SPATA16: variants seen among roughly 807,000 people sequenced by gnomAD.
SPATA16 encodes spermatogenesis-associated protein 16.
In SPATA16, 36 loss-of-function variants were observed where a neutral mutation model predicts 63.3. That is an observed-to-expected ratio of 0.57 (90% confidence interval 0.44 to 0.75). The LOEUF is 0.75. Ranked by LOEUF, SPATA16 falls within the 30% of genes least tolerant of loss-of-function variation. SPATA16 has a pLI of 0.00. For synonymous variants in SPATA16, 203 were observed against 216.7 expected, an observed-to-expected ratio of 0.94 and a Z score of 0.56; for missense variants, 646 against 679.3, an observed-to-expected ratio of 0.95 and a Z score of 0.54.
intron 4 of SPATA16, among the ~76,000 whole-genome samples, chr3:173,017,435 G>GT (rs1172558270): frequency 6.6e-6 from 1 of 152,138 alleles, no homozygotes; most frequent in Non-Finnish European, 1.5e-5. Context: ...CTTGTTGTTT[G>GT]TTTTGGGACC....
At position 172,924,376 on chromosome 3, in the gene SPATA16, T is replaced by C. The variant is rs192224215; in HGVS notation, c.1229-59A>G. On this transcript the variant is annotated intron_variant, in intron 7 of 10. Transcript: ENST00000351008. ...TTCTCCAGACTTCCATTTCAAAATA[T>C]TTTCTTTAGCAAGCTATAAACGAAT... is the stretch of plus-strand genomic sequence containing the variant. 6.2e-5 allele frequency: 85 copies of C among 1,374,502 alleles called. No individual in the cohort carries two copies. The East Asian group carries it at 1.5e-3, about 24-fold the overall frequency. 85.1% of individuals were successfully genotyped at this position (1,374,502 alleles called of 1,614,324 possible).
intron 10 of SPATA16, among the ~76,000 whole-genome samples, chr3:172,911,911 C>T (rs557309954): frequency 6.6e-6 from 1 of 152,282 alleles, no homozygotes; most frequent in African/African-American, 2.4e-5. Context: ...AACTGACTTC[C>T]CCACATTTCT....
In SPATA16 at chr3:173,077,315, G is replaced by A. The variant is rs534547036; in HGVS notation, c.613-28221C>T. ...CACTTGAAAAATGGTAGAAGGCAGC[G>A]GGAATCTAGAAAAAAACCCTATTGT... On this transcript the variant is annotated intron_variant, in intron 2 of 10. Coordinates refer to ENST00000351008, the MANE Select transcript of SPATA16 (RefSeq NM_031955.6). 1.4e-4 allele frequency among the ~76,000 whole-genome samples: 21 copies of A among 151,924 alleles called. No homozygotes were observed. In the South Asian group the frequency reaches 2.5e-3, roughly 18 times the overall value.
chr3:172,955,250 A>T lies in SPATA16; in HGVS notation c.1081+1427T>A, dbSNP rs543036844. On this transcript the variant is annotated intron_variant, in intron 6 of 10. Coordinates refer to ENST00000351008, the MANE Select transcript of SPATA16 (RefSeq NM_031955.6). Reference sequence around the variant, plus strand: ...TATTCTACCAGAAGAGAGATTGGCAAACTGGTGATCTCCTCAATGAATCTC... The same window carrying T: ...TATTCTACCAGAAGAGAGATTGGCATACTGGTGATCTCCTCAATGAATCTC... Among the ~76,000 whole-genome samples, 52 of 152,304 alleles carry T rather than the reference A, an allele frequency of 3.4e-4. 3 individuals carry two copies. The South Asian group carries it at 9.9e-3, about 29-fold the overall frequency.
rs950029446 is a variant in SPATA16 at position 172,994,505 on chromosome 3, G to T, written c.849-17453C>A. ...AAGCATAAAATAACATGCTGTGCTT[G>T]GGGGGTATTTCAGTACTGAAATCTG... On this transcript the variant is annotated intron_variant, in intron 4 of 10. Transcript: ENST00000351008. Among the ~76,000 whole-genome samples, 3 of 152,014 alleles carry T rather than the reference G, an allele frequency of 2.0e-5. No homozygotes were observed. The East Asian group carries it at 5.8e-4, about 29-fold the overall frequency.
chr3:172,976,059 A>T (rs1452761984), intron 5 of SPATA16, among the ~76,000 whole-genome samples: 1 of 152,102 alleles, frequency 6.6e-6, no homozygotes, highest in Non-Finnish European at 1.5e-5. Context: ...AAACATCTTG[A>T]AATACAAGGA....
intron 4 of SPATA16, among the ~76,000 whole-genome samples, chr3:173,012,471 T>C: frequency 6.6e-6 from 1 of 152,066 alleles, no homozygotes; most frequent in East Asian, 1.9e-4. Flanking sequence ...ATAGCCAAAG[T>C]AATCCCTAAG....
chr3:173,131,974 AC>A (rs1006404574), intron 1 of SPATA16, among the ~76,000 whole-genome samples: 29 of 152,306 alleles, frequency 1.9e-4, no homozygotes, highest in African/African-American at 5.8e-4. Context: ...TTAAAAAAAA[AC>A]AAATGAAAAA....
intron 6 of SPATA16, among the ~76,000 whole-genome samples, chr3:172,926,255 A>G (rs150312941): frequency 0.019 from 2,888 of 152,340 alleles, 29 homozygotes; most frequent in Middle Eastern, 0.058. Context: ...TCCTTCATCT[A>G]GCCATAGGAG....
At chr3:172,982,712 GTTTTA>G (rs1470531336) in intron 4 of SPATA16, among the ~76,000 whole-genome samples, 1 of 152,084 alleles carries the variant, frequency 6.6e-6, no homozygotes, top group Non-Finnish European at 1.5e-5. Context: ...TTATTTTCCA[GTTTTA>G]TTTATTTATT....
chr3:173,046,391 T>C (rs1334847397), intron 3 of SPATA16, among the ~76,000 whole-genome samples: 2 of 152,056 alleles, frequency 1.3e-5, no homozygotes, highest in Non-Finnish European at 2.9e-5. Context: ...GCTTAGCTGA[T>C]TAATTTCAAA....
chr3:172,984,769 T>C (rs1734403843), intron 4 of SPATA16, among the ~76,000 whole-genome samples: 1 of 152,198 alleles, frequency 6.6e-6, no homozygotes, highest in Non-Finnish European at 1.5e-5. Flanking sequence ...GCCTTCCTGC[T>C]AGTCTGAAAT....
At chr3:173,007,231 G>A (rs892464342) in intron 4 of SPATA16, among the ~76,000 whole-genome samples, 1 of 152,208 alleles carries the variant, frequency 6.6e-6, no homozygotes, top group African/African-American at 2.4e-5. Context: ...CCAGAGGGCG[G>A]GTTATGCTCA....
chr3:172,897,494 T>C (rs1465969561), intron 10 of SPATA16, among the ~76,000 whole-genome samples: 1 of 152,154 alleles, frequency 6.6e-6, no homozygotes. Context: ...AGGCATACAA[T>C]TCATGTAGAT....
chr3:173,046,837 T>C (rs1158922921), intron 3 of SPATA16, among the ~76,000 whole-genome samples: 5 of 152,030 alleles, frequency 3.3e-5, no homozygotes, highest in Non-Finnish European at 5.9e-5. Flanking sequence ...TATGCAGTTC[T>C]GCACTATGAC....
In SPATA16 at chr3:173,117,857, T is replaced by TG. The variant is rs1475609615; in HGVS notation, c.-18-109dup. On this transcript the variant is annotated intron_variant, in intron 1 of 10. Transcript: ENST00000351008. ...CACTATTTCATTCATTATTAGTATT[T>TG]GTTGCCTTGTAAGTAAAACTGTATT... is the stretch of plus-strand genomic sequence containing the variant. The TG allele has an allele frequency of 5.2e-6, 8 of 1,537,596 alleles. No individual in the cohort carries two copies. The African/African-American group carries it at 1.1e-4, about 21-fold the overall frequency.
chr3:173,119,961 C>T (rs1285427979), intron 1 of SPATA16, among the ~76,000 whole-genome samples: 2 of 152,074 alleles, frequency 1.3e-5, no homozygotes, highest in African/African-American at 4.8e-5. Context: ...GTGGCACATG[C>T]CTGTAGTCCC....
intron 10 of SPATA16, among the ~76,000 whole-genome samples, chr3:172,896,735 T>C (rs758417489): frequency 1.8e-4 from 27 of 152,210 alleles, no homozygotes; most frequent in Non-Finnish European, 3.4e-4. Flanking sequence ...TGCTCAATTG[T>C]CATTCACTCT....
intron 6 of SPATA16, among the ~76,000 whole-genome samples, chr3:172,949,888 A>G (rs914199806): frequency 1.3e-5 from 2 of 152,152 alleles, no homozygotes; most frequent in African/African-American, 4.8e-5. Flanking sequence ...GGAAGCTGCC[A>G]TGTGAATGTT....
Sources: gnomAD v4.1 joint callset for allele counts (sites outside exome capture counted in the v4.1 genomes callset) on GRCh38, gnomAD v4.1.1 for gene constraint, MANE v1.5 for transcripts, NCBI Gene and HGNC (gene_info 2026-07-23, HGNC 2026-07-21) for gene names.